SLC14A2: variants seen among roughly 807,000 people sequenced by gnomAD.
SLC14A2 encodes the protein solute carrier family 14 member 2.
In SLC14A2, 91 loss-of-function variants were observed where a neutral mutation model predicts 104.6. The ratio of observed to expected loss-of-function variants is 0.87; its 90% CI spans 0.73 to 1.04. SLC14A2 has a LOEUF of 1.04. Among genes scored for constraint, SLC14A2 ranks in the 50% least tolerant of loss-of-function variants. The probability of loss-of-function intolerance (pLI) is 0.00; values close to 1 mark genes in which losing one functional copy is unlikely to be tolerated. For missense variants in SLC14A2, 1,189 were observed against 1,156.0 expected (o/e 1.03, Z -0.41); for synonymous variants, 476 against 466.4 (o/e 1.02, Z -0.27).
chr18:45,528,823 GC>G (rs959454216), intron 2 of SLC14A2: 3 of 152,332 alleles, frequency 2.0e-5, no homozygotes, highest in Admixed American at 1.3e-4. Context: ...TCATCAAGAA[GC>G]AGAGGCTAGT....
At chr18:45,551,748 T>C (rs955398367) in intron 2 of SLC14A2, among the ~76,000 whole-genome samples, 1 of 152,168 alleles carries the variant, frequency 6.6e-6, no homozygotes, top group Non-Finnish European at 1.5e-5. Context: ...CACTTCTGCA[T>C]GTCTAGTGGC....
At chr18:45,677,841 G>A (rs1441009270) in intron 18 of SLC14A2, among the ~76,000 whole-genome samples, 2 of 151,992 alleles carry the variant, frequency 1.3e-5, no homozygotes, top group African/African-American at 2.4e-5. Flanking sequence ...TTGAGATGAG[G>A]TCTTGCTCTG....
intron 2 of SLC14A2, among the ~76,000 whole-genome samples, chr18:45,533,280 C>T (rs1292241297): frequency 6.6e-6 from 1 of 152,150 alleles, no homozygotes; most frequent in Non-Finnish European, 1.5e-5. Context: ...ATGGTACCAG[C>T]TCCTCCTTGT....
At chr18:45,244,722 TTA>T (rs1205755604) in intron 1 of SLC14A2, among the ~76,000 whole-genome samples, 1 of 152,068 alleles carries the variant, frequency 6.6e-6, no homozygotes, top group African/African-American at 2.4e-5. Flanking sequence ...GCAAGAAAGA[TTA>T]TATGGCATCC....
intron 1 of SLC14A2, among the ~76,000 whole-genome samples, chr18:45,293,831 G>C (rs2084894902): frequency 6.6e-6 from 1 of 152,176 alleles, no homozygotes; most frequent in Non-Finnish European, 1.5e-5. Context: ...AGCTTAGTAA[G>C]CACTTAAAAA....
At chr18:45,645,202 T>C (rs1485924082) in intron 10 of SLC14A2, among the ~76,000 whole-genome samples, 1 of 152,222 alleles carries the variant, frequency 6.6e-6, no homozygotes, top group Non-Finnish European at 1.5e-5. Flanking sequence ...GAACTCATTC[T>C]TTTTATGGCT....
At chr18:45,488,861 C>T (rs527835482) in intron 2 of SLC14A2, among the ~76,000 whole-genome samples, 3 of 152,220 alleles carry the variant, frequency 2.0e-5, no homozygotes, top group Non-Finnish European at 4.4e-5. Flanking sequence ...GTTCTCACTC[C>T]CTCGGGTCAG....
chr18:45,263,529 A>G (rs899515709), intron 1 of SLC14A2, among the ~76,000 whole-genome samples: 1 of 152,226 alleles, frequency 6.6e-6, no homozygotes, highest in African/African-American at 2.4e-5. Flanking sequence ...TACAAATTTT[A>G]GCACACATTG....
chr18:45,607,587 A>G (rs991052327), intron 2 of SLC14A2, among the ~76,000 whole-genome samples: 1 of 152,218 alleles, frequency 6.6e-6, no homozygotes, highest in African/African-American at 2.4e-5. Flanking sequence ...TTAATGGCTA[A>G]TGTATTCATT....
intron 1 of SLC14A2, among the ~76,000 whole-genome samples, chr18:45,234,741 G>A (rs1021034218): frequency 3.9e-5 from 6 of 152,104 alleles, no homozygotes; most frequent in East Asian, 3.9e-4. Flanking sequence ...TTGGGAAACC[G>A]TATCTGCCTA....
intron 1 of SLC14A2, among the ~76,000 whole-genome samples, chr18:45,241,919 A>T (rs959086467): frequency 2.6e-5 from 4 of 152,060 alleles, no homozygotes; most frequent in Non-Finnish European, 2.9e-5. Flanking sequence ...CTGGGATTAC[A>T]GGTGTGAACC....
intron 11 of SLC14A2, 110 bp from the exon 12 acceptor site, chr18:45,666,027 C>A (rs2144628884): frequency 1.4e-6 from 1 of 740,106 alleles, no homozygotes; most frequent in Non-Finnish European, 2.4e-6. Flanking sequence ...TCAGTAGGAA[C>A]AGGAAATACT....
intron 1 of SLC14A2, among the ~76,000 whole-genome samples, chr18:45,231,333 C>T (rs1346870547): frequency 6.6e-6 from 1 of 152,060 alleles, no homozygotes; most frequent in East Asian, 1.9e-4. Context: ...CTCCTGAGTA[C>T]CTGAGACTAC....
chr18:45,221,160 A>G (rs755269076), intron 1 of SLC14A2, among the ~76,000 whole-genome samples: 2 of 152,156 alleles, frequency 1.3e-5, no homozygotes, highest in Non-Finnish European at 2.9e-5. Context: ...ATTTAATCAA[A>G]CCATCTAACT....
chr18:45,622,764 G>A (rs1344376655), intron 1 of SLC14A2, among the ~76,000 whole-genome samples: 2 of 152,176 alleles, frequency 1.3e-5, no homozygotes, highest in Non-Finnish European at 2.9e-5. Flanking sequence ...GCAGCCTGGT[G>A]GGATGGGGAC....
intron 1 of SLC14A2, among the ~76,000 whole-genome samples, chr18:45,617,443 ACCCGCTGGC>A (rs1285718689): frequency 1.3e-5 from 2 of 151,932 alleles, no homozygotes; most frequent in Admixed American, 1.3e-4. Context: ...ACCCAGCCTG[ACCCGCTGGC>A]CCCAGTGAGT....
At chr18:45,585,760 C>T (rs117111250) in intron 2 of SLC14A2, among the ~76,000 whole-genome samples, 9 of 152,190 alleles carry the variant, frequency 5.9e-5, no homozygotes, top group African/African-American at 1.9e-4. Context: ...GCAGATACCC[C>T]AGTACCCACC....
rs147715169 is a variant in SLC14A2 at position 45,513,402 on chromosome 18, G to T, written c.-35+30080G>T. On this transcript the variant is annotated intron_variant, in intron 2 of 20. Coordinates refer to the SLC14A2 transcript ENST00000586448. ...ATTTCCAGCATCGTTGTATTGATGAGAAGTTAGAGGGAATGTATACCAAGA... is the reference window on the plus strand; with the variant it reads ...ATTTCCAGCATCGTTGTATTGATGATAAGTTAGAGGGAATGTATACCAAGA... 2.6e-5 allele frequency among the ~76,000 whole-genome samples: 4 copies of T among 152,320 alleles called. 1 individual carries two copies. The highest frequency in any genetic ancestry group is 9.6e-5 in the African/African-American group (4 of 41,578).
Position 45,243,962 on chromosome 18 carries a change from A to C in SLC14A2, c.-125+30771A>C, listed in dbSNP as rs114425672. On this transcript the variant is annotated intron_variant, in intron 1 of 20. Coordinates refer to the SLC14A2 transcript ENST00000586448. ...ACAAGAGTTATGGTATTCGGGGTAG[A>C]TTAATTAATGAGGTGTCTGATTTAT... Among the ~76,000 whole-genome samples, 942 of 152,244 alleles carry C rather than the reference A, an allele frequency of 6.2e-3. 20 individuals carry two copies. Among genetic ancestry groups the C allele is most frequent in the African/African-American group, 0.022 (900 of 41,540 alleles).
Sources: allele counts gnomAD v4.1 joint callset (sites outside exome capture counted in the v4.1 genomes callset), GRCh38; gene constraint gnomAD v4.1.1; transcripts MANE v1.5; gene names NCBI Gene and HGNC (gene_info 2026-07-23, HGNC 2026-07-21).